The following ARHGEF10 variants were observed in gnomAD, a reference collection of about 807,000 sequenced individuals.
ARHGEF10 encodes Rho guanine nucleotide exchange factor (GEF) 10.
A neutral mutation model predicts 147.4 loss-of-function variants in ARHGEF10; 140 were observed. The ratio of observed to expected loss-of-function variants is 0.95; its 90% CI spans 0.83 to 1.09. The LOEUF (loss-of-function observed/expected upper bound fraction) is 1.09, where lower values mean the gene tolerates loss of function less well. ARHGEF10 is among the 50% of genes least tolerant of loss of function. The probability of loss-of-function intolerance (pLI) is 0.00; values close to 1 mark genes in which losing one functional copy is unlikely to be tolerated. For missense variants in ARHGEF10, 2,222 were observed against 1,752.7 expected (o/e 1.27, Z -4.78); for synonymous variants, 902 against 695.8 (o/e 1.30, Z -4.67).
At chr8:1,922,358 A>G (rs766492827) in intron 18 of ARHGEF10, among the ~76,000 whole-genome samples, 21 of 152,148 alleles carry the variant, frequency 1.4e-4, no homozygotes, top group Non-Finnish European at 2.9e-4. Context: ...TTCAGATTAA[A>G]TGTCATTTCT....
At chr8:1,924,156 C>T (rs1000073856) in intron 21 of ARHGEF10, among the ~76,000 whole-genome samples, 2 of 152,156 alleles carry the variant, frequency 1.3e-5, no homozygotes, top group Admixed American at 6.5e-5. Flanking sequence ...AGAGGAAGCC[C>T]GTGGAGCCTG....
chr8:1,900,725 A>G (rs1344073242), intron 15 of ARHGEF10, among the ~76,000 whole-genome samples: 1 of 152,214 alleles, frequency 6.6e-6, no homozygotes, highest in African/African-American at 2.4e-5. Flanking sequence ...CCAGTTATGT[A>G]ATAAACTCAA....
chr8:1,868,213 G>A (rs1806781201), intron 6 of ARHGEF10, among the ~76,000 whole-genome samples: 1 of 152,196 alleles, frequency 6.6e-6, no homozygotes, highest in Non-Finnish European at 1.5e-5. Context: ...AGCAGATAAG[G>A]AATTTTCCTG....
At chr8:1,837,073 T>C (rs1803628808) in intron 1 of ARHGEF10, among the ~76,000 whole-genome samples, 2 of 152,246 alleles carry the variant, frequency 1.3e-5, no homozygotes, top group South Asian at 2.1e-4. Context: ...TACAGCCTCA[T>C]AGAAATTTTC....
intron 14 of ARHGEF10, 129 bp from the exon 15 acceptor site, chr8:1,898,304 T>C: frequency 1.2e-6 from 1 of 810,154 alleles, no homozygotes; most frequent in Non-Finnish European, 2.1e-6. Flanking sequence ...AGTTTCTTCT[T>C]GTAGCTGAAG....
chr8:1,923,505 G>T lies in ARHGEF10; in HGVS notation c.2297G>T (p.Gly766Val). 1 of 1,614,054 alleles carries T rather than the reference G, an allele frequency of 6.2e-7. No individual in the cohort carries two copies. The highest frequency in any genetic ancestry group is 1.1e-5 in the South Asian group (1 of 91,078). The change falls in exon 20 of 29, where the codon GGT becomes GTT. Residue 766 changes from glycine (G) to valine (V), a missense_variant. Transcript: ENST00000349830. ...TCAGTAGCCCATGACTGGACATCAG[G>T]TTTACAAAGGCTTATTTTGAAGAAA... ...NQSVAHDWTS[G>V]LQRLILKKED...
intron 14 of ARHGEF10, among the ~76,000 whole-genome samples, chr8:1,897,535 C>G: frequency 6.7e-6 from 1 of 149,408 alleles, no homozygotes; most frequent in East Asian, 2.0e-4. Context: ...GGCATCGGAT[C>G]GCAGTTCCCC....
rs1315957858 is a variant in ARHGEF10 at position 1,859,858 on chromosome 8, G to C, written c.194-39G>C. On this transcript the variant is annotated intron_variant, in intron 3 of 28. Transcript: ENST00000349830. The stretch of plus-strand genomic sequence containing the variant: ...AGGAGGGCATGCCTGCCATGCCCTT[G>C]GTGATGTGTCTGCTGACAAGTCCTT... 5 of 1,612,552 alleles carry C rather than the reference G, an allele frequency of 3.1e-6. No homozygotes were observed. The African/African-American group carries it at 5.3e-5, about 17-fold the overall frequency.
At chr8:1,909,136 C>T (rs768114856) in intron 17 of ARHGEF10, among the ~76,000 whole-genome samples, 159 bp from the exon 18 acceptor site, 2 of 152,178 alleles carry the variant, frequency 1.3e-5, no homozygotes, top group Non-Finnish European at 2.9e-5. Flanking sequence ...CAAGTGGGGA[C>T]TCAGTAAGAA....
intron 26 of ARHGEF10, among the ~76,000 whole-genome samples, chr8:1,935,523 C>T (rs1046175159): frequency 6.6e-6 from 1 of 152,204 alleles, no homozygotes; most frequent in Non-Finnish European, 1.5e-5. Context: ...AGAAGGTAAA[C>T]ACTAAGTACG....
chr8:1,857,442 C>CA (rs1046307280), intron 2 of ARHGEF10, among the ~76,000 whole-genome samples: 2 of 144,132 alleles, frequency 1.4e-5, no homozygotes, highest in African/African-American at 5.2e-5. Context: ...TTTTTTGAGA[C>CA]AGAGTTTTGC....
intron 8 of ARHGEF10, among the ~76,000 whole-genome samples, chr8:1,879,115 C>G (rs902354376): frequency 6.6e-6 from 1 of 152,208 alleles, no homozygotes; most frequent in Non-Finnish European, 1.5e-5. Flanking sequence ...CTCAAAAAAT[C>G]TCGAATTTTG....
chr8:1,860,246 C>A, intron 4 of ARHGEF10, 62 bp downstream of exon 4: 2 of 1,519,694 alleles, frequency 1.3e-6, no homozygotes, highest in East Asian at 2.3e-5. Flanking sequence ...CTCCACGCCC[C>A]CGAAGTGGCC....
rs1803326519 is a variant in ARHGEF10 at position 1,833,077 on chromosome 8, GAGAGACAGAGACAGAGGC to G, written c.-48+8970_-48+8987del. 2.4e-4 allele frequency among the ~76,000 whole-genome samples: 5 copies of G among 21,182 alleles called. 1 individual carries two copies. The highest frequency in any genetic ancestry group is 3.9e-4 in the Non-Finnish European group (4 of 10,364). The allele number at this position is 21,182 out of a possible 152,430, so 13.9% of individuals were successfully genotyped here. A position where few individuals can be genotyped will look rare whatever the true frequency, so the allele number is the denominator to read the frequency against. Reference sequence around the variant, plus strand: ...GCAGAGAGAGACAGAGACAGAGGCAGAGAGACAGAGACAGAGGCAGAGAGACAGAGACAGAGGCAGAGA... The same window carrying G: ...GCAGAGAGAGACAGAGACAGAGGCAGAGAGAGACAGAGACAGAGGCAGAGA... On this transcript the variant is annotated intron_variant, in intron 1 of 28. Transcript: ENST00000349830.
intron 26 of ARHGEF10, among the ~76,000 whole-genome samples, chr8:1,941,693 C>G (rs1375330404): frequency 6.6e-6 from 1 of 152,136 alleles, no homozygotes; most frequent in East Asian, 1.9e-4. Context: ...GAGGCCCACA[C>G]TTCCTAATTT....
intron 27 of ARHGEF10, 138 bp from the exon 28 acceptor site, chr8:1,952,567 G>T: frequency 8.5e-7 from 1 of 1,179,050 alleles, no homozygotes. Flanking sequence ...TCGGGTTTGG[G>T]AACTCCTGTG....
At chr8:1,887,849 T>TG (rs1186557405) in intron 11 of ARHGEF10, among the ~76,000 whole-genome samples, 1 of 139,244 alleles carries the variant, frequency 7.2e-6, no homozygotes, top group African/African-American at 2.8e-5. Flanking sequence ...AGACACTGAG[T>TG]GGGATGTGAG....
intron 25 of ARHGEF10, among the ~76,000 whole-genome samples, chr8:1,932,800 C>T (rs193293781): frequency 6.6e-6 from 1 of 152,318 alleles, no homozygotes; most frequent in East Asian, 1.9e-4. Context: ...AGGTTCAGTG[C>T]TTGAAATCCA....
chr8:1,922,282 A>T (rs1812354131), intron 18 of ARHGEF10, among the ~76,000 whole-genome samples: 1 of 152,114 alleles, frequency 6.6e-6, no homozygotes, highest in East Asian at 1.9e-4. Flanking sequence ...AAAAAAAAAA[A>T]ACTTTAGGAA....
Sources: gnomAD v4.1 joint callset for allele counts (sites outside exome capture counted in the v4.1 genomes callset) on GRCh38, gnomAD v4.1.1 for gene constraint, MANE v1.5 for transcripts, NCBI Gene and HGNC (gene_info 2026-07-23, HGNC 2026-07-21) for gene names.